The following TSHZ2 variants were observed in gnomAD, a reference collection of about 807,000 sequenced individuals.
TSHZ2 encodes the protein teashirt zinc finger homeobox 2.
Under a neutral mutation model 74.4 loss-of-function variants are expected in TSHZ2, and 21 were observed. The observed-to-expected ratio is 0.28, with a 90% CI of 0.20 to 0.41. The LOEUF (loss-of-function observed/expected upper bound fraction) is 0.41. Ranked by LOEUF, TSHZ2 falls within the 10% of genes least tolerant of loss-of-function variation. TSHZ2 has a pLI of 1.00. For synonymous variants in TSHZ2, 540 were observed against 515.3 expected, an observed-to-expected ratio of 1.05 and a Z score of -0.65; for missense variants, 1,244 against 1,293.5, an observed-to-expected ratio of 0.96 and a Z score of 0.59.
At chr20:53,356,308 A>T (rs1395896560) in intron 2 of TSHZ2, among the ~76,000 whole-genome samples, 1 of 152,190 alleles carries the variant, frequency 6.6e-6, no homozygotes, top group Non-Finnish European at 1.5e-5. Flanking sequence ...AGGGATAATT[A>T]TGATCTGAAC....
chr20:53,292,624 T>C (rs1202362494), intron 2 of TSHZ2, among the ~76,000 whole-genome samples: 2 of 151,990 alleles, frequency 1.3e-5, no homozygotes. Flanking sequence ...TTTTTTAATA[T>C]TTTTTTGTAG....
chr20:53,385,847 G>C (rs868688478), intron 2 of TSHZ2, among the ~76,000 whole-genome samples: 22 of 152,296 alleles, frequency 1.4e-4, no homozygotes, highest in African/African-American at 5.3e-4. Flanking sequence ...AAGAAAGCTG[G>C]AGAGGCTGGA....
chr20:53,281,321 C>T (rs753911491), intron 2 of TSHZ2, among the ~76,000 whole-genome samples: 1 of 152,160 alleles, frequency 6.6e-6, no homozygotes, highest in Non-Finnish European at 1.5e-5. Context: ...AGGAACAGCA[C>T]ATGCAAAGTT....
At chr20:53,017,235 G>A (rs1223670429) in intron 1 of TSHZ2, among the ~76,000 whole-genome samples, 1 of 152,108 alleles carries the variant, frequency 6.6e-6, no homozygotes, top group Non-Finnish European at 1.5e-5. Context: ...GAGGCTCAGG[G>A]TAATTAGTAA....
Position 53,236,690 on chromosome 20 carries a change from T to C in TSHZ2, c.41-16809T>C, listed in dbSNP as rs563557237. Among the ~76,000 whole-genome samples, 49 of 152,304 alleles carry C rather than the reference T, an allele frequency of 3.2e-4. No individual in the cohort carries two copies. In the South Asian group the frequency reaches 8.9e-3, roughly 28 times the overall value. On this transcript the variant is annotated intron_variant, in intron 1 of 2. Coordinates refer to ENST00000371497, the MANE Select transcript of TSHZ2 (RefSeq NM_173485.6). ...GAACTGCCTGAGACTGGGTTATTTA[T>C]AAAGGAAAGAGGTTTAATTGACTCA...
chr20:53,088,292 T>C (rs1282292561), intron 1 of TSHZ2, among the ~76,000 whole-genome samples: 1 of 152,210 alleles, frequency 6.6e-6, no homozygotes, highest in Admixed American at 6.5e-5. Context: ...ATGTACACAA[T>C]TCTGCTCTCA....
chr20:52,974,183 G>A (rs1981242633), intron 1 of TSHZ2, among the ~76,000 whole-genome samples: 1 of 151,984 alleles, frequency 6.6e-6, no homozygotes, highest in Non-Finnish European at 1.5e-5. Flanking sequence ...CTGGGGTTTT[G>A]TTTCTCGGAA....
intron 1 of TSHZ2, among the ~76,000 whole-genome samples, chr20:53,192,877 A>G (rs1600733374): frequency 6.6e-6 from 1 of 152,184 alleles, no homozygotes; most frequent in African/African-American, 2.4e-5. Context: ...GATTTTTCTC[A>G]GGGCTGGAAT....
At chr20:53,002,619 A>C (rs1007761561) in intron 1 of TSHZ2, among the ~76,000 whole-genome samples, 1 of 151,632 alleles carries the variant, frequency 6.6e-6, no homozygotes, top group Admixed American at 6.6e-5. Flanking sequence ...TAAATTTATA[A>C]AAAAGAAAAT....
intron 2 of TSHZ2, among the ~76,000 whole-genome samples, chr20:53,344,932 GTGGGTAGA>G (rs1445026363): frequency 1.3e-5 from 2 of 152,166 alleles, no homozygotes; most frequent in Non-Finnish European, 2.9e-5. Context: ...AATAAAATAC[GTGGGTAGA>G]TGGACAATTC....
chr20:52,997,576 G>GAAA (rs11472038), intron 1 of TSHZ2, among the ~76,000 whole-genome samples: 17 of 149,688 alleles, frequency 1.1e-4, no homozygotes, highest in South Asian at 2.1e-4. Context: ...CCTGATAAAA[G>GAAA]AAAAAAAAAA....
At chr20:53,482,397 A>T in intron 2 of TSHZ2, among the ~76,000 whole-genome samples, 1 of 152,174 alleles carries the variant, frequency 6.6e-6, no homozygotes. Context: ...CCACAACAGG[A>T]TCCTTTCATG....
chr20:53,482,943 A>T (rs1474120036), intron 2 of TSHZ2, among the ~76,000 whole-genome samples: 1 of 152,120 alleles, frequency 6.6e-6, no homozygotes, highest in African/African-American at 2.4e-5. Flanking sequence ...AATTTTTAAA[A>T]AATAATAATG....
chr20:53,242,730 A>T (rs1990101863), intron 1 of TSHZ2, among the ~76,000 whole-genome samples: 1 of 152,224 alleles, frequency 6.6e-6, no homozygotes, highest in African/African-American at 2.4e-5. Context: ...TTGAAAGCAA[A>T]TTGGGACCAG....
chr20:53,175,550 C>T (rs1418549571), intron 1 of TSHZ2, among the ~76,000 whole-genome samples: 7 of 152,150 alleles, frequency 4.6e-5, no homozygotes, highest in Non-Finnish European at 7.3e-5. Flanking sequence ...TTCCAGGAAG[C>T]ATGGCACTGC....
intron 1 of TSHZ2, among the ~76,000 whole-genome samples, chr20:53,144,338 G>A (rs1334271257): frequency 3.3e-5 from 5 of 152,164 alleles, no homozygotes; most frequent in African/African-American, 1.2e-4. Context: ...TTATTTCAAA[G>A]GTAAGCTATA....
At chr20:53,141,895 C>T (rs1022408310) in intron 1 of TSHZ2, among the ~76,000 whole-genome samples, 1 of 152,216 alleles carries the variant, frequency 6.6e-6, no homozygotes, top group Non-Finnish European at 1.5e-5. Context: ...ACGCTGAGGT[C>T]GCCCTTCCCA....
chr20:53,437,848 C>G (rs1186874534), intron 2 of TSHZ2, among the ~76,000 whole-genome samples: 1 of 152,170 alleles, frequency 6.6e-6, no homozygotes, highest in Non-Finnish European at 1.5e-5. Context: ...CCCTCTCTCT[C>G]TTGTTCTCTC....
intron 2 of TSHZ2, among the ~76,000 whole-genome samples, chr20:53,272,651 A>T (rs79084297): frequency 6.6e-6 from 1 of 152,210 alleles, no homozygotes; most frequent in African/African-American, 2.4e-5. Context: ...GTGCAAATGA[A>T]TCTTCAGGCT....
Sources: gnomAD v4.1 joint callset for allele counts (sites outside exome capture counted in the v4.1 genomes callset) on GRCh38, gnomAD v4.1.1 for gene constraint, MANE v1.5 for transcripts, NCBI Gene and HGNC (gene_info 2026-07-23, HGNC 2026-07-21) for gene names.